GRIN2B: variants seen among roughly 807,000 people sequenced by gnomAD.
The protein encoded by GRIN2B is glutamate receptor ionotropic, NMDA 2B.
A neutral mutation model predicts 114.5 loss-of-function variants in GRIN2B; 5 were observed. The observed-to-expected ratio is 0.04, with a 90% CI of 0.02 to 0.09. The LOEUF (loss-of-function observed/expected upper bound fraction) is 0.09, where lower values mean the gene tolerates loss of function less well. Ranked by LOEUF, GRIN2B falls within the 10% of genes least tolerant of loss-of-function variation. The pLI, the probability that GRIN2B is intolerant of heterozygous loss-of-function variation, is 1.00. For synonymous variants in GRIN2B, 787 were observed against 745.1 expected, an observed-to-expected ratio of 1.06 and a Z score of -0.92; for missense variants, 1,108 against 1,943.5, an observed-to-expected ratio of 0.57 and a Z score of 8.08.
At chr12:13,826,200 G>A (rs1050486091) in intron 3 of GRIN2B, among the ~76,000 whole-genome samples, 1 of 152,106 alleles carries the variant, frequency 6.6e-6, no homozygotes. Context: ...GCCAGGCAAG[G>A]TGGTTCACTC....
chr12:13,716,332 C>T (rs956174372), intron 4 of GRIN2B, among the ~76,000 whole-genome samples: 35 of 150,498 alleles, frequency 2.3e-4, no homozygotes, highest in African/African-American at 5.4e-4. Flanking sequence ...ACAGACTTCA[C>T]GGAGGATGAC....
At chr12:13,639,901 CCT>C (rs1249887241) in intron 5 of GRIN2B, among the ~76,000 whole-genome samples, 1 of 152,102 alleles carries the variant, frequency 6.6e-6, no homozygotes, top group Non-Finnish European at 1.5e-5. Context: ...ACTTCCTCCG[CCT>C]CTTACTCTTC....
chr12:13,912,868 T>TA (rs1055117359), intron 2 of GRIN2B, among the ~76,000 whole-genome samples: 1 of 151,990 alleles, frequency 6.6e-6, no homozygotes, highest in African/African-American at 2.4e-5. Flanking sequence ...AGGATGCACA[T>TA]AAAAAATCCC....
chr12:13,864,552 G>A (rs1865794832), intron 3 of GRIN2B, among the ~76,000 whole-genome samples: 1 of 152,162 alleles, frequency 6.6e-6, no homozygotes, highest in Non-Finnish European at 1.5e-5. Flanking sequence ...AGACGTGAAT[G>A]GCTGGCTGCA....
chr12:13,945,973 C>T (rs1443794340), intron 2 of GRIN2B, among the ~76,000 whole-genome samples: 3 of 152,152 alleles, frequency 2.0e-5, no homozygotes, highest in African/African-American at 4.8e-5. Context: ...GAACAAGCCT[C>T]ATTTGGGAAC....
At chr12:13,862,003 C>G (rs565603237) in intron 3 of GRIN2B, among the ~76,000 whole-genome samples, 1 of 152,148 alleles carries the variant, frequency 6.6e-6, no homozygotes, top group Non-Finnish European at 1.5e-5. Flanking sequence ...GGCAAGGAAA[C>G]AAACGTTGAG....
intron 5 of GRIN2B, among the ~76,000 whole-genome samples, chr12:13,638,248 A>G (rs960864387): frequency 1.3e-5 from 2 of 152,112 alleles, no homozygotes; most frequent in Non-Finnish European, 2.9e-5. Flanking sequence ...TGTTTTTCAC[A>G]CTATTGTTCA....
At chr12:13,597,525 C>T (rs1482125167) in intron 10 of GRIN2B, among the ~76,000 whole-genome samples, 1 of 152,210 alleles carries the variant, frequency 6.6e-6, no homozygotes, top group Non-Finnish European at 1.5e-5. Context: ...GCATAGGGCA[C>T]CAATTCACCT....
intron 2 of GRIN2B, among the ~76,000 whole-genome samples, chr12:13,889,690 C>G (rs1312074335): frequency 6.6e-6 from 1 of 152,082 alleles, no homozygotes; most frequent in Non-Finnish European, 1.5e-5. Flanking sequence ...CTCATTTTCC[C>G]CCGAAACTAT....
intron 2 of GRIN2B, among the ~76,000 whole-genome samples, chr12:13,902,068 C>A (rs1591611830): frequency 2.0e-5 from 3 of 151,852 alleles, no homozygotes; most frequent in South Asian, 4.2e-4. Context: ...ATTTGTATAC[C>A]CTTGCAAAAA....
At chr12:13,657,008 G>A (rs1281672829) in intron 5 of GRIN2B, among the ~76,000 whole-genome samples, 1 of 152,124 alleles carries the variant, frequency 6.6e-6, no homozygotes, top group Admixed American at 6.5e-5. Flanking sequence ...CTCAGAAAAC[G>A]GATCAATCGC....
At chr12:13,711,606 C>A (rs1950414898) in intron 4 of GRIN2B, among the ~76,000 whole-genome samples, 2 of 151,982 alleles carry the variant, frequency 1.3e-5, no homozygotes, top group African/African-American at 4.8e-5. Flanking sequence ...GACATTTATG[C>A]AGCCAAAAGA....
At chr12:13,575,806 G>A (rs181811776) in intron 10 of GRIN2B, among the ~76,000 whole-genome samples, 197 of 152,230 alleles carry the variant, frequency 1.3e-3, no homozygotes, top group African/African-American at 4.6e-3. Context: ...CCAGCTGCAT[G>A]AACATGGGCA....
At chr12:13,825,184 T>C (rs1013428048) in intron 3 of GRIN2B, among the ~76,000 whole-genome samples, 1 of 152,022 alleles carries the variant, frequency 6.6e-6, no homozygotes, top group African/African-American at 2.4e-5. Flanking sequence ...TTTTGACTCA[T>C]GCATTACTTA....
At chr12:13,614,016 C>CAAAAAAAA (rs77527098) in intron 8 of GRIN2B, among the ~76,000 whole-genome samples, 4 of 92,898 alleles carry the variant, frequency 4.3e-5, no homozygotes, top group African/African-American at 7.4e-5. Flanking sequence ...CCTTGCACAG[C>CAAAAAAAA]AAAAAAAAAA....
intron 10 of GRIN2B, among the ~76,000 whole-genome samples, 176 bp from the exon 11 acceptor site, chr12:13,572,140 G>T (rs1232528626): frequency 1.3e-5 from 2 of 152,200 alleles, no homozygotes; most frequent in African/African-American, 4.8e-5. Context: ...AGCAGCAATT[G>T]CTATCTGAAA....
chr12:13,876,297 T>G (rs1865990183), intron 2 of GRIN2B, among the ~76,000 whole-genome samples: 1 of 152,180 alleles, frequency 6.6e-6, no homozygotes, highest in Non-Finnish European at 1.5e-5. Flanking sequence ...ACAGAGTTGT[T>G]GTGAATATTA....
At chr12:13,884,011 G>A (rs776855866) in intron 2 of GRIN2B, among the ~76,000 whole-genome samples, 12 of 152,100 alleles carry the variant, frequency 7.9e-5, no homozygotes, top group Non-Finnish European at 1.8e-4. Flanking sequence ...CTGTATGTAT[G>A]TTTTGCATAT....
chr12:13,825,496 T>TTTGTG (rs375940899), intron 3 of GRIN2B, among the ~76,000 whole-genome samples: 1 of 122,994 alleles, frequency 8.1e-6, no homozygotes, highest in African/African-American at 3.1e-5. Flanking sequence ...TATATATATT[T>TTTGTG]TGTGTGTGTG....
Sources: gnomAD v4.1 joint callset for allele counts (sites outside exome capture counted in the v4.1 genomes callset) on GRCh38, gnomAD v4.1.1 for gene constraint, MANE v1.5 for transcripts, NCBI Gene and HGNC (gene_info 2026-07-23, HGNC 2026-07-21) for gene names.